CADM2: variants seen among roughly 807,000 people sequenced by gnomAD.
The protein encoded by CADM2 is immunoglobulin superfamily member 4D.
CADM2 carries 12 observed loss-of-function variants against 49.8 expected under a neutral mutation model. The observed-to-expected ratio is 0.24, with a 90% CI of 0.15 to 0.39. The LOEUF (loss-of-function observed/expected upper bound fraction) is 0.39. Ranked by LOEUF, CADM2 falls within the 10% of genes least tolerant of loss-of-function variation. The pLI, the probability that CADM2 is intolerant of heterozygous loss-of-function variation, is 1.00. For synonymous variants in CADM2, 214 were observed against 175.4 expected (o/e 1.22, Z -1.74); for missense variants, 378 against 492.3 (o/e 0.77, Z 2.20).
intron 1 of CADM2, among the ~76,000 whole-genome samples, chr3:85,135,000 A>G (rs1012323036): frequency 1.3e-5 from 2 of 151,664 alleles, no homozygotes; most frequent in African/African-American, 4.8e-5. Context: ...GTAATTCATA[A>G]TAAGTATTTT....
intron 1 of CADM2, among the ~76,000 whole-genome samples, chr3:85,611,078 A>C (rs999879529): frequency 6.6e-6 from 1 of 151,956 alleles, no homozygotes; most frequent in Non-Finnish European, 1.5e-5. Flanking sequence ...ATAGAATACA[A>C]AGAAAAGAAG....
At chr3:85,567,904 C>T (rs995866394) in intron 1 of CADM2, among the ~76,000 whole-genome samples, 1 of 152,158 alleles carries the variant, frequency 6.6e-6, no homozygotes, top group Non-Finnish European at 1.5e-5. Context: ...GACTGGAAAG[C>T]CTGGAAGTCT....
intron 7 of CADM2, among the ~76,000 whole-genome samples, chr3:85,942,400 T>A (rs2108557670): frequency 6.6e-6 from 1 of 151,914 alleles, no homozygotes; most frequent in South Asian, 2.1e-4. Flanking sequence ...TAGTTACATA[T>A]ATATAAATGT....
intron 8 of CADM2, among the ~76,000 whole-genome samples, chr3:86,001,348 G>A (rs987598487): frequency 1.3e-5 from 2 of 152,086 alleles, no homozygotes; most frequent in Admixed American, 1.3e-4. Context: ...GCAAGCTTGG[G>A]TTCATGCCAG....
chr3:85,655,846 A>G (rs1022294841), intron 1 of CADM2, among the ~76,000 whole-genome samples: 3 of 152,212 alleles, frequency 2.0e-5, no homozygotes, highest in African/African-American at 7.2e-5. Flanking sequence ...TCAATAGCAC[A>G]TATGTCCAAC....
At chr3:85,400,950 A>G (rs2035076080) in intron 1 of CADM2, among the ~76,000 whole-genome samples, 1 of 152,196 alleles carries the variant, frequency 6.6e-6, no homozygotes, top group Non-Finnish European at 1.5e-5. Flanking sequence ...ATCTGACACT[A>G]AAGAATCCTG....
chr3:85,228,654 A>G (rs1839939), intron 1 of CADM2, among the ~76,000 whole-genome samples: 102,544 of 151,666 alleles, frequency 0.68, 35,536 homozygotes, highest in African/African-American at 0.82. Flanking sequence ...AGAAGCTGCT[A>G]CAGAACATCA....
intron 8 of CADM2, among the ~76,000 whole-genome samples, chr3:86,063,414 C>G (rs920927906): frequency 2.0e-5 from 3 of 152,134 alleles, no homozygotes; most frequent in Non-Finnish European, 4.4e-5. Flanking sequence ...TTACAAGTCC[C>G]CTCTGTCTTG....
rs527997643 is a variant in CADM2 at position 85,501,714 on chromosome 3, C to T, written c.62-224808C>T. Among the ~76,000 whole-genome samples, 17 of 152,032 alleles carry T rather than the reference C, an allele frequency of 1.1e-4. 1 individual carries two copies. In the East Asian group the frequency reaches 1.9e-3, roughly 17 times the overall value. On this transcript the variant is annotated intron_variant, in intron 1 of 9. Transcript: ENST00000383699. ...AAAACATTACATACATGTATATATACGCACATATATATTTGAATATGCACA... is the reference window on the plus strand; with the variant it reads ...AAAACATTACATACATGTATATATATGCACATATATATTTGAATATGCACA...
intron 5 of CADM2, among the ~76,000 whole-genome samples, chr3:85,898,953 A>ATGT: frequency 2.3e-5 from 1 of 42,802 alleles, no homozygotes; most frequent in Non-Finnish European, 3.9e-5. Flanking sequence ...ATATATATAT[A>ATGT]TATTTTTTTT....
At chr3:85,688,176 A>G (rs1373544881) in intron 1 of CADM2, among the ~76,000 whole-genome samples, 1 of 152,232 alleles carries the variant, frequency 6.6e-6, no homozygotes, top group East Asian at 1.9e-4. Flanking sequence ...ACAGAGAGCC[A>G]ATAGTTATAC....
intron 1 of CADM2, among the ~76,000 whole-genome samples, chr3:85,254,597 A>G (rs1297104098): frequency 1.3e-5 from 2 of 152,138 alleles, no homozygotes; most frequent in African/African-American, 2.4e-5. Context: ...GAGTTTGCCA[A>G]GAACAAAGAC....
chr3:85,548,779 T>A (rs1161278688), intron 1 of CADM2, among the ~76,000 whole-genome samples: 1 of 152,204 alleles, frequency 6.6e-6, no homozygotes, highest in Non-Finnish European at 1.5e-5. Context: ...TAAATTGCCT[T>A]CATGTATTAG....
At chr3:85,259,594 A>G (rs903728372) in intron 1 of CADM2, among the ~76,000 whole-genome samples, 1 of 152,060 alleles carries the variant, frequency 6.6e-6, no homozygotes, top group East Asian at 1.9e-4. Flanking sequence ...ATATGTACAT[A>G]TTTTTACTGC....
intron 3 of CADM2, among the ~76,000 whole-genome samples, chr3:85,881,756 C>A (rs192186889): frequency 6.6e-6 from 1 of 152,256 alleles, no homozygotes; most frequent in Admixed American, 6.5e-5. Flanking sequence ...CAGCGGTCCC[C>A]AACCTTTTTG....
rs1247686982 is a variant in CADM2, at chr3:85,505,033, GC to G, written c.62-221485del. Reference sequence around the variant, plus strand: ...AGCTGGCCCGGAAGCGCCGCGCGCAGCCCCGGTTCCCGCTGGCGCCTCTCCC... The same window carrying G: ...AGCTGGCCCGGAAGCGCCGCGCGCAGCCCGGTTCCCGCTGGCGCCTCTCCC... On this transcript the variant is annotated intron_variant, in intron 1 of 9. Coordinates refer to ENST00000383699, the MANE Select transcript of CADM2 (RefSeq NM_001167675.2). 2.0e-5 allele frequency among the ~76,000 whole-genome samples: 3 copies of G among 152,246 alleles called. No homozygotes were observed. The East Asian group carries it at 5.8e-4, about 30-fold the overall frequency.
intron 1 of CADM2, among the ~76,000 whole-genome samples, chr3:85,143,130 T>A (rs566708541): frequency 2.6e-5 from 4 of 152,238 alleles, no homozygotes; most frequent in African/African-American, 7.2e-5. Context: ...GAAAACTTTT[T>A]AAAAAGTATT....
intron 1 of CADM2, among the ~76,000 whole-genome samples, chr3:85,581,741 T>C (rs1229317201): frequency 1.3e-5 from 2 of 151,844 alleles, no homozygotes; most frequent in Non-Finnish European, 2.9e-5. Flanking sequence ...GGTAATTACA[T>C]GGGCAATATC....
chr3:85,722,169 C>T (rs1187983341), intron 1 of CADM2, among the ~76,000 whole-genome samples: 1 of 151,800 alleles, frequency 6.6e-6, no homozygotes, highest in Non-Finnish European at 1.5e-5. Context: ...ATGTCTGCTA[C>T]TCCTAGCAGA....
Sources: allele counts gnomAD v4.1 joint callset (sites outside exome capture counted in the v4.1 genomes callset), GRCh38; gene constraint gnomAD v4.1.1; transcripts MANE v1.5; gene names NCBI Gene and HGNC (gene_info 2026-07-23, HGNC 2026-07-21).